Variants in KCNIP4 observed in about 807,000 individuals in gnomAD.
KCNIP4 encodes the protein Kv channel-interacting protein 4.
A neutral mutation model predicts 34.0 loss-of-function variants in KCNIP4; 12 were observed. The observed-to-expected ratio is 0.35, with a 90% confidence interval of 0.23 to 0.57. The LOEUF (loss-of-function observed/expected upper bound fraction) is 0.57. KCNIP4 is among the 20% of genes least tolerant of loss of function. The pLI, the probability that KCNIP4 is intolerant of heterozygous loss-of-function variation, is 0.83. For missense variants in KCNIP4, 238 were observed against 311.7 expected (o/e 0.76, Z 1.78); for synonymous variants, 124 against 102.2 (o/e 1.21, Z -1.29).
chr4:21,681,380 T>G (rs567437364), intron 1 of KCNIP4, among the ~76,000 whole-genome samples: 3 of 152,184 alleles, frequency 2.0e-5, no homozygotes, highest in Non-Finnish European at 4.4e-5. Context: ...GTGTTGGGAT[T>G]ACAGGCATGA....
At chr4:21,595,269 G>T (rs1218647074) in intron 1 of KCNIP4, among the ~76,000 whole-genome samples, 1 of 152,078 alleles carries the variant, frequency 6.6e-6, no homozygotes, top group Non-Finnish European at 1.5e-5. Context: ...GTGATAGTTT[G>T]CTGAGAATGA....
chr4:21,628,789 G>T (rs993697701), intron 1 of KCNIP4, among the ~76,000 whole-genome samples: 2 of 152,028 alleles, frequency 1.3e-5, no homozygotes, highest in Admixed American at 6.6e-5. Context: ...TAGAAATTTT[G>T]CTATATTTAA....
At chr4:21,458,138 C>G (rs1005561102) in intron 1 of KCNIP4, among the ~76,000 whole-genome samples, 6 of 102,850 alleles carry the variant, frequency 5.8e-5, no homozygotes, top group Admixed American at 1.3e-4. Flanking sequence ...TGCTATCCCT[C>G]CCCCCTCCCC....
intron 1 of KCNIP4, among the ~76,000 whole-genome samples, chr4:21,466,604 G>A (rs1015774357): frequency 6.6e-6 from 1 of 152,140 alleles, no homozygotes; most frequent in African/African-American, 2.4e-5. Flanking sequence ...GAGAGAGAAT[G>A]AGAGACAGCA....
intron 1 of KCNIP4, among the ~76,000 whole-genome samples, chr4:21,786,296 T>C (rs1277209375): frequency 1.3e-5 from 2 of 152,270 alleles, no homozygotes; most frequent in South Asian, 4.1e-4. Flanking sequence ...GGTCATATGG[T>C]AACTACATGT....
intron 5 of KCNIP4, among the ~76,000 whole-genome samples, chr4:20,749,018 C>T (rs549945605): frequency 1.3e-5 from 2 of 151,494 alleles, no homozygotes; most frequent in Admixed American, 6.6e-5. Context: ...TCTAGCTGGG[C>T]GTGGTGGCAC....
At chr4:21,867,341 G>C (rs756028752) in intron 1 of KCNIP4, among the ~76,000 whole-genome samples, 16 of 152,282 alleles carry the variant, frequency 1.1e-4, no homozygotes, top group Admixed American at 3.3e-4. Context: ...AAATTTACCA[G>C]AGGGGGTGGG....
At chr4:21,500,413 TA>T (rs1195615617) in intron 1 of KCNIP4, among the ~76,000 whole-genome samples, 2 of 152,216 alleles carry the variant, frequency 1.3e-5, no homozygotes, top group Non-Finnish European at 2.9e-5. Flanking sequence ...AACTTCATCA[TA>T]AAAAACTTCT....
chr4:21,329,115 C>A lies in KCNIP4; in HGVS notation c.62-446406G>T, dbSNP rs554698439. Among the ~76,000 whole-genome samples the A allele has an allele frequency of 2.0e-5, 3 of 152,326 alleles. No individual in the cohort carries two copies. The East Asian group carries it at 5.8e-4, about 29-fold the overall frequency. Reference sequence around the variant, plus strand: ...CAAAAGCAAAAAATAAACCTAACATCTGAATAATTTCAATAAGTGCTAAGT... The same window carrying A: ...CAAAAGCAAAAAATAAACCTAACATATGAATAATTTCAATAAGTGCTAAGT... On this transcript the variant is annotated intron_variant, in intron 1 of 8. Coordinates refer to ENST00000382152, the MANE Select transcript of KCNIP4 (RefSeq NM_025221.6).
At chr4:21,208,094 C>T (rs911844098) in intron 1 of KCNIP4, among the ~76,000 whole-genome samples, 2 of 152,150 alleles carry the variant, frequency 1.3e-5, no homozygotes, top group African/African-American at 4.8e-5. Flanking sequence ...CTGCCTGCCT[C>T]AGCCTCCCAA....
intron 3 of KCNIP4, among the ~76,000 whole-genome samples, chr4:20,826,173 T>C (rs1717734838): frequency 1.3e-5 from 2 of 152,124 alleles, no homozygotes; most frequent in Non-Finnish European, 2.9e-5. Flanking sequence ...CTGTAGAGCA[T>C]ACTTTGGGAA....
At chr4:21,532,746 G>A (rs1255279749) in intron 1 of KCNIP4, among the ~76,000 whole-genome samples, 1 of 152,052 alleles carries the variant, frequency 6.6e-6, no homozygotes, top group East Asian at 1.9e-4. Context: ...TATTTTCCCA[G>A]TGGCTGATGG....
chr4:21,138,902 C>G (rs1353728747), intron 1 of KCNIP4, among the ~76,000 whole-genome samples: 1 of 152,146 alleles, frequency 6.6e-6, no homozygotes, highest in Admixed American at 6.5e-5. Context: ...CCCCTAGAGT[C>G]TCCAGAAAGA....
intron 1 of KCNIP4, among the ~76,000 whole-genome samples, chr4:21,413,167 C>T (rs1006028151): frequency 2.6e-5 from 4 of 152,112 alleles, no homozygotes; most frequent in Admixed American, 6.5e-5. Flanking sequence ...TAGGGGGAGG[C>T]TATCTCTTGA....
intron 1 of KCNIP4, among the ~76,000 whole-genome samples, chr4:21,136,305 A>G (rs1751493846): frequency 6.6e-6 from 1 of 152,208 alleles, no homozygotes. Context: ...TTACCACTGG[A>G]GGAAGCGAGT....
chr4:21,156,773 G>GT (rs920304808), intron 1 of KCNIP4, among the ~76,000 whole-genome samples: 12 of 151,686 alleles, frequency 7.9e-5, no homozygotes, highest in African/African-American at 2.4e-4. Context: ...TGGTGATACT[G>GT]TTTTTTTTAA....
At chr4:21,021,842 A>C (rs1740072827) in intron 1 of KCNIP4, among the ~76,000 whole-genome samples, 2 of 149,152 alleles carry the variant, frequency 1.3e-5, no homozygotes, top group Non-Finnish European at 3.0e-5. Context: ...CTAAAATAAT[A>C]ATGAAAAGTA....
intron 1 of KCNIP4, among the ~76,000 whole-genome samples, chr4:21,051,092 G>T (rs1742890211): frequency 6.6e-6 from 1 of 152,204 alleles, no homozygotes; most frequent in Admixed American, 6.5e-5. Flanking sequence ...CTGCCAGCCT[G>T]GAAGTTCCTT....
chr4:21,837,539 A>AAAAAAAAAG lies in KCNIP4; in HGVS notation c.61+111023_61+111031dup, dbSNP rs1553936446. ...ACAAGAGCAAAACGCTGTCAAAAAA[A>AAAAAAAAAG]AAAAAAAAGAAAAAGAAAAAGAAAG... On this transcript the variant is annotated intron_variant, in intron 1 of 8. Transcript: ENST00000382152. Among the ~76,000 whole-genome samples the AAAAAAAAAG allele has an allele frequency of 1.9e-4, 28 of 145,310 alleles. 2 individuals carry two copies. Among genetic ancestry groups the AAAAAAAAAG allele is most frequent in the Non-Finnish European group, 4.1e-4 (27 of 65,906 alleles).
Sources: allele counts gnomAD v4.1 joint callset (sites outside exome capture counted in the v4.1 genomes callset), GRCh38; gene constraint gnomAD v4.1.1; transcripts MANE v1.5; gene names NCBI Gene and HGNC (gene_info 2026-07-23, HGNC 2026-07-21).